CLYBL: variants seen among roughly 807,000 people sequenced by gnomAD.
The protein encoded by CLYBL is citramalyl-CoA lyase, mitochondrial.
Under a neutral mutation model 38.9 loss-of-function variants are expected in CLYBL, and 31 were observed. That is an observed-to-expected ratio of 0.80 (90% CI 0.60 to 1.08). CLYBL has a LOEUF of 1.08. Among genes scored for constraint, CLYBL ranks in the 50% least tolerant of loss-of-function variants. CLYBL has a pLI of 0.00. For synonymous variants in CLYBL, 171 were observed against 158.6 expected (o/e 1.08, Z -0.59); for missense variants, 434 against 411.6 (o/e 1.05, Z -0.47).
intron 1 of CLYBL, among the ~76,000 whole-genome samples, chr13:99,615,787 A>C (rs1033278325): frequency 6.6e-6 from 1 of 151,738 alleles, no homozygotes; most frequent in Non-Finnish European, 1.5e-5. Flanking sequence ...CATCCTCCCT[A>C]CCATAAACCA....
At chr13:99,704,239 T>C (rs1336504839) in intron 1 of CLYBL, among the ~76,000 whole-genome samples, 1 of 152,106 alleles carries the variant, frequency 6.6e-6, no homozygotes, top group African/African-American at 2.4e-5. Context: ...CAGGAAAGAG[T>C]AAGGGAAAGA....
At chr13:99,885,024 A>G (rs550699926) in intron 7 of CLYBL, 6 of 516,074 alleles carry the variant, frequency 1.2e-5, no homozygotes, top group Non-Finnish European at 2.4e-5. Flanking sequence ...CTTTTCCATC[A>G]TCACCAGGTC....
At chr13:99,647,221 T>G (rs1013945267) in intron 1 of CLYBL, among the ~76,000 whole-genome samples, 2 of 152,170 alleles carry the variant, frequency 1.3e-5, no homozygotes, top group African/African-American at 4.8e-5. Flanking sequence ...AACAAAAAAC[T>G]ACTTAGAATT....
At chr13:99,804,946 C>T (rs560470802) in intron 2 of CLYBL, among the ~76,000 whole-genome samples, 11 of 152,296 alleles carry the variant, frequency 7.2e-5, no homozygotes, top group African/African-American at 2.6e-4. Context: ...CCTGGCAACT[C>T]CCATTCTGCT....
chr13:99,765,121 G>C (rs1248602010), intron 1 of CLYBL, among the ~76,000 whole-genome samples: 3 of 151,370 alleles, frequency 2.0e-5, no homozygotes, highest in Non-Finnish European at 4.4e-5. Context: ...TTTCTTGTAA[G>C]ATGGTGGTGA....
intron 1 of CLYBL, among the ~76,000 whole-genome samples, chr13:99,682,325 G>T (rs1477189192): frequency 6.6e-6 from 1 of 151,982 alleles, no homozygotes; most frequent in South Asian, 2.1e-4. Flanking sequence ...TGTATTTTTA[G>T]TAGAGATGGG....
chr13:99,825,040 C>A (rs1003483251), intron 2 of CLYBL, among the ~76,000 whole-genome samples: 1 of 152,210 alleles, frequency 6.6e-6, no homozygotes, highest in Non-Finnish European at 1.5e-5. Flanking sequence ...TGGTACCTGG[C>A]CGTCTGTGGG....
intron 1 of CLYBL, among the ~76,000 whole-genome samples, chr13:99,717,133 A>AG (rs1305840465): frequency 6.6e-6 from 1 of 151,356 alleles, no homozygotes; most frequent in Non-Finnish European, 1.5e-5. Context: ...GATATGAATT[A>AG]TCTGTTTCTT....
chr13:99,649,550 A>G (rs531786863), intron 1 of CLYBL, among the ~76,000 whole-genome samples: 1 of 152,326 alleles, frequency 6.6e-6, no homozygotes, highest in South Asian at 2.1e-4. Flanking sequence ...TGGAATATTG[A>G]TGGAGGACTT....
intron 2 of CLYBL, among the ~76,000 whole-genome samples, chr13:99,844,680 G>A (rs534780192): frequency 2.0e-5 from 3 of 152,250 alleles, no homozygotes; most frequent in African/African-American, 4.8e-5. Flanking sequence ...TCTCAGCTTC[G>A]GGCCTGCCCT....
chr13:99,643,984 G>GACAGAAC (rs1204909984), intron 1 of CLYBL, among the ~76,000 whole-genome samples: 2 of 130,668 alleles, frequency 1.5e-5, no homozygotes, highest in African/African-American at 6.0e-5. Flanking sequence ...CAGCCTGGGC[G>GACAGAAC]ACAGAACAAG....
At position 99,667,433 on chromosome 13, in the gene CLYBL, C is replaced by CTT. The variant is rs369360327; in HGVS notation, c.62+60698_62+60699dup. On this transcript the variant is annotated intron_variant, in intron 1 of 8. Transcript: ENST00000339105. ...GTATAGTCCTACTTAAAGAATCTTG[C>CTT]TTTTTTTTTTTTTTTTTTTTTTTAG... Among the ~76,000 whole-genome samples, 124 of 127,778 alleles carry CTT rather than the reference C, an allele frequency of 9.7e-4. 2 individuals are homozygous for CTT. The highest frequency in any genetic ancestry group is 3.5e-3 in the African/African-American group (118 of 34,006). The allele number at this position is 127,778 out of a possible 152,430, so 83.8% of individuals were successfully genotyped here.
At position 99,870,978 on chromosome 13, in the gene CLYBL, G is replaced by A. The variant is rs2051876379; in HGVS notation, c.843G>A (p.Gln281=). 1 of 1,613,654 alleles carries A rather than the reference G, an allele frequency of 6.2e-7. No homozygotes were observed. The highest frequency in any genetic ancestry group is 1.3e-5 in the African/African-American group (1 of 74,894). The change falls in exon 7 of 9, where the codon CAG becomes CAA. Residue 281 remains glutamine, a synonymous_variant. Coordinates refer to ENST00000339105, the MANE Select transcript of CLYBL (RefSeq NM_206808.5). ...ACCCTAACCAAATTGCCGTGGTCCA[G>A]GAGCAGTTTTCTCCTTCCCCTGAAA... ...VIHPNQIAVV[Q]EQFSPSPEKI...
intron 1 of CLYBL, among the ~76,000 whole-genome samples, chr13:99,693,561 G>A (rs2047938607): frequency 6.6e-6 from 1 of 152,032 alleles, no homozygotes; most frequent in Non-Finnish European, 1.5e-5. Context: ...CGGCAGTGAT[G>A]TGACCCACTC....
chr13:99,740,629 GCTGGA>G (rs1473088023), intron 1 of CLYBL, among the ~76,000 whole-genome samples: 1 of 152,176 alleles, frequency 6.6e-6, no homozygotes, highest in Non-Finnish European at 1.5e-5. Context: ...GACTTAACGA[GCTGGA>G]AAGTCCACAC....
At chr13:99,752,787 T>C (rs1008144536) in intron 1 of CLYBL, among the ~76,000 whole-genome samples, 7 of 152,050 alleles carry the variant, frequency 4.6e-5, no homozygotes, top group Non-Finnish European at 8.8e-5. Flanking sequence ...TTGTGGCCTC[T>C]CCCTAGCTTT....
intron 7 of CLYBL, among the ~76,000 whole-genome samples, chr13:99,880,233 C>G (rs1161370618): frequency 1.3e-5 from 2 of 151,476 alleles, no homozygotes; most frequent in East Asian, 1.9e-4. Flanking sequence ...ATGCCCGGCT[C>G]ATTGTATTTT....
chr13:99,745,590 GA>G (rs1435349040), intron 1 of CLYBL, among the ~76,000 whole-genome samples: 12 of 152,212 alleles, frequency 7.9e-5, no homozygotes, highest in African/African-American at 2.9e-4. Flanking sequence ...AACTATGTTA[GA>G]AAAGCCTTCA....
intron 1 of CLYBL, among the ~76,000 whole-genome samples, chr13:99,626,539 C>T (rs2046871922): frequency 6.6e-6 from 1 of 152,234 alleles, no homozygotes; most frequent in Admixed American, 6.5e-5. Flanking sequence ...ACTTAAATTA[C>T]ATTCACAGTG....
Sources: allele counts gnomAD v4.1 joint callset (sites outside exome capture counted in the v4.1 genomes callset), GRCh38; gene constraint gnomAD v4.1.1; transcripts MANE v1.5; gene names NCBI Gene and HGNC (gene_info 2026-07-23, HGNC 2026-07-21).